GNAO1: variants seen among roughly 807,000 people sequenced by gnomAD.
GNAO1 encodes G protein subunit alpha o1.
For synonymous variants in GNAO1, 164 were observed against 180.7 expected (o/e 0.91, Z 0.74); for missense variants, 166 against 478.7 (o/e 0.35, Z 6.10).
At chr16:56,269,523 A>G (rs2036993929) in intron 2 of GNAO1, among the ~76,000 whole-genome samples, 1 of 152,200 alleles carries the variant, frequency 6.6e-6, no homozygotes. Flanking sequence ...TTTTGATCCT[A>G]ACCATGAACC....
chr16:56,256,713 TC>T (rs2036852186), intron 2 of GNAO1, among the ~76,000 whole-genome samples: 1 of 113,654 alleles, frequency 8.8e-6, no homozygotes, highest in African/African-American at 3.6e-5. Context: ...TCTCTCTCTC[TC>T]TCTCTGTGTG....
intron 3 of GNAO1, among the ~76,000 whole-genome samples, chr16:56,281,842 G>C (rs1490701851): frequency 2.6e-5 from 4 of 152,190 alleles, no homozygotes; most frequent in Non-Finnish European, 5.9e-5. Flanking sequence ...CCAGTGGGGG[G>C]GATGGGGAAA....
intron 3 of GNAO1, among the ~76,000 whole-genome samples, chr16:56,290,034 A>G (rs2037214546): frequency 6.6e-6 from 1 of 152,206 alleles, no homozygotes; most frequent in Non-Finnish European, 1.5e-5. Flanking sequence ...AGCCAGCCTT[A>G]TCTCCTGTAG....
At chr16:56,249,133 T>A (rs2036775830) in intron 2 of GNAO1, among the ~76,000 whole-genome samples, 1 of 152,168 alleles carries the variant, frequency 6.6e-6, no homozygotes. Context: ...ACAGATTTCC[T>A]TTCATATTGA....
intron 2 of GNAO1, among the ~76,000 whole-genome samples, chr16:56,259,182 G>T (rs535609900): frequency 1.6e-4 from 25 of 152,312 alleles, no homozygotes; most frequent in African/African-American, 6.0e-4. Flanking sequence ...AAGCCCCTCA[G>T]GAATGAGAGC....
chr16:56,269,126 C>T (rs2036988409), intron 2 of GNAO1, among the ~76,000 whole-genome samples: 1 of 152,214 alleles, frequency 6.6e-6, no homozygotes, highest in South Asian at 2.1e-4. Flanking sequence ...TTTCATGACA[C>T]GTTAAGACAG....
intron 2 of GNAO1, among the ~76,000 whole-genome samples, chr16:56,227,816 C>T (rs935176018): frequency 5.3e-5 from 8 of 150,602 alleles, no homozygotes; most frequent in Non-Finnish European, 1.0e-4. Flanking sequence ...ATTTTGCTAA[C>T]ATAATGAGGC....
At chr16:56,327,452 G>A (rs80322217) in intron 3 of GNAO1, among the ~76,000 whole-genome samples, 2,847 of 152,126 alleles carry the variant, frequency 0.019, 47 homozygotes, top group South Asian at 0.085. Context: ...AAGGCCCAAC[G>A]ACACAGCTCT....
At chr16:56,220,658 A>G (rs1037857132) in intron 2 of GNAO1, among the ~76,000 whole-genome samples, 1 of 152,200 alleles carries the variant, frequency 6.6e-6, no homozygotes, top group Non-Finnish European at 1.5e-5. Context: ...CTCTAATGCA[A>G]CAGTATTTAG....
chr16:56,353,857 C>T (rs560310548), intron 7 of GNAO1, among the ~76,000 whole-genome samples: 225 of 152,350 alleles, frequency 1.5e-3, no homozygotes, highest in Non-Finnish European at 2.6e-3. Context: ...GCCATGACAA[C>T]CCACCCAAGG....
intron 6 of GNAO1, chr16:56,344,927 T>C: frequency 4.1e-6 from 4 of 985,158 alleles, no homozygotes; most frequent in Non-Finnish European, 4.8e-6. Context: ...CGCCTCACCG[T>C]CTTGGTGAAG....
chr16:56,229,163 A>G (rs1315685773), intron 2 of GNAO1, among the ~76,000 whole-genome samples: 3 of 152,100 alleles, frequency 2.0e-5, no homozygotes, highest in African/African-American at 4.8e-5. Context: ...TTTGAGGAAT[A>G]TCTGCTTTGT....
At chr16:56,344,003 C>A in intron 6 of GNAO1, 1 of 1,596,240 alleles carries the variant, frequency 6.3e-7, no homozygotes, top group East Asian at 2.2e-5. Context: ...CGCCCCCCCT[C>A]CCCTGGAACC....
chr16:56,217,145 G>A (rs1388669610), intron 2 of GNAO1, among the ~76,000 whole-genome samples: 2 of 152,178 alleles, frequency 1.3e-5, no homozygotes, highest in African/African-American at 4.8e-5. Context: ...AAGATTGATT[G>A]GTAAGTTTTT....
intron 3 of GNAO1, among the ~76,000 whole-genome samples, chr16:56,308,805 A>T (rs1429349187): frequency 1.3e-5 from 2 of 152,104 alleles, no homozygotes. Context: ...GCGAGCCCTC[A>T]TGGAGTGGAG....
intron 3 of GNAO1, among the ~76,000 whole-genome samples, chr16:56,313,641 A>G (rs779364868): frequency 6.6e-5 from 10 of 152,232 alleles, no homozygotes; most frequent in Non-Finnish European, 1.3e-4. Flanking sequence ...TCAGATAATT[A>G]TTCTTTGAAA....
At chr16:56,209,247 C>T (rs750593682) in intron 2 of GNAO1, among the ~76,000 whole-genome samples, 35 of 152,178 alleles carry the variant, frequency 2.3e-4, no homozygotes, top group Non-Finnish European at 4.8e-4. Context: ...GTGGGGCCAC[C>T]ACTGTCATAG....
intron 6 of GNAO1, among the ~76,000 whole-genome samples, chr16:56,337,990 G>A (rs2143668389): frequency 6.6e-6 from 1 of 152,340 alleles, no homozygotes; most frequent in Non-Finnish European, 1.5e-5. Context: ...GAGGTTGGAG[G>A]TGGGGCTTGT....
At chr16:56,331,236 GC>G (rs2037685437) in intron 4 of GNAO1, among the ~76,000 whole-genome samples, 1 of 152,180 alleles carries the variant, frequency 6.6e-6, no homozygotes, top group African/African-American at 2.4e-5. Context: ...GTGCACCCCG[GC>G]CTCTGTGAAC....
Sources: gnomAD v4.1 joint callset for allele counts (sites outside exome capture counted in the v4.1 genomes callset) on GRCh38, gnomAD v4.1.1 for gene constraint, MANE v1.5 for transcripts, NCBI Gene and HGNC (gene_info 2026-07-23, HGNC 2026-07-21) for gene names.